Variants in KCNT1 observed in about 807,000 individuals in gnomAD.
KCNT1 encodes potassium channel subfamily T member 1.
Under a neutral mutation model 147.8 loss-of-function variants are expected in KCNT1, and 78 were observed. That is an observed-to-expected ratio of 0.53 (90% confidence interval 0.44 to 0.64). The LOEUF (loss-of-function observed/expected upper bound fraction) is 0.64, where lower values mean the gene tolerates loss of function less well. Among genes scored for constraint, KCNT1 ranks in the 30% least tolerant of loss-of-function variants. The pLI is 0.00. For missense variants in KCNT1, 1,419 were observed against 1,750.3 expected, an observed-to-expected ratio of 0.81 and a Z score of 3.38; for synonymous variants, 867 against 748.8, an observed-to-expected ratio of 1.16 and a Z score of -2.58.
chr9:135,747,997 A>G (rs1830935678), intron 2 of KCNT1, among the ~76,000 whole-genome samples: 1 of 152,136 alleles, frequency 6.6e-6, no homozygotes, highest in Non-Finnish European at 1.5e-5. Flanking sequence ...GCTAGGGTGC[A>G]GTGGCGTGTT....
Position 135,784,897 on chromosome 9 carries a change from G to C in KCNT1, c.3156+8G>C, listed in dbSNP as rs764262230. ...GTCTTCTCCACCTCGGAGGTTCTGG[G>C]GCAGCCTGGGGGCTGGGACTGTGGC... On this transcript the variant is annotated splice_region_variant and intron_variant, in intron 27 of 30. Coordinates refer to ENST00000371757, the MANE Select transcript of KCNT1 (RefSeq NM_020822.3). 1.2e-6 allele frequency: 2 copies of C among 1,611,400 alleles called. No homozygotes were observed. The highest frequency in any genetic ancestry group is 2.2e-5 in the East Asian group (1 of 44,858).
intron 1 of KCNT1, among the ~76,000 whole-genome samples, chr9:135,707,429 A>T (rs1835301024): frequency 6.6e-6 from 1 of 152,292 alleles, no homozygotes; most frequent in Admixed American, 6.5e-5. Context: ...CAGCCAGCTC[A>T]GCTCGAGGGT....
At chr9:135,732,022 A>AGAGAGAGAGG (rs1836492464) in intron 2 of KCNT1, among the ~76,000 whole-genome samples, 3 of 129,408 alleles carry the variant, frequency 2.3e-5, no homozygotes, top group African/African-American at 5.9e-5. Flanking sequence ...AGAGAGAGAG[A>AGAGAGAGAGG]GAGAGAGAGA....
At chr9:135,786,167 CCCCG>C (rs1400672372) in intron 28 of KCNT1, 26 bp from the exon 29 acceptor site, 1 of 1,532,266 alleles carries the variant, frequency 6.5e-7, no homozygotes, top group South Asian at 1.2e-5. Flanking sequence ...CCTCACCCCT[CCCCG>C]CCCTGCCCTG....
chr9:135,714,773 A>G lies in KCNT1; in HGVS notation c.254+53A>G. ...GGGGTCGCCGTCCCGGCGCCGCCGC[A>G]CGCCCGGAGCTGTCCGCGGTGCTGA... On this transcript the variant is annotated intron_variant, in intron 2 of 30. Coordinates refer to ENST00000371757, the MANE Select transcript of KCNT1 (RefSeq NM_020822.3). This position sits in a 1 kb window ranked among gnomAD's most constrained non-coding sequence, Gnocchi z 6.2. The G allele has an allele frequency of 1.7e-6, 2 of 1,167,068 alleles. No individual in the cohort carries two copies. The highest frequency in any genetic ancestry group is 2.1e-6 in the Non-Finnish European group (2 of 934,052). 72.3% of individuals were successfully genotyped at this position (1,167,068 alleles called of 1,614,324 possible). A position where few individuals can be genotyped will look rare whatever the true frequency, so the allele number is the denominator to read the frequency against.
At chr9:135,717,575 G>T (rs1278081355) in intron 2 of KCNT1, among the ~76,000 whole-genome samples, 1 of 152,148 alleles carries the variant, frequency 6.6e-6, no homozygotes, top group Non-Finnish European at 1.5e-5. Flanking sequence ...GGGCGCAGGG[G>T]CAAGTGAGTT....
intron 24 of KCNT1, among the ~76,000 whole-genome samples, chr9:135,782,691 C>T (rs1588395076): frequency 1.3e-5 from 2 of 152,314 alleles, no homozygotes; most frequent in South Asian, 2.1e-4. Context: ...CTGGCCCTGT[C>T]GTGGTTCTTG....
intron 2 of KCNT1, among the ~76,000 whole-genome samples, chr9:135,739,915 T>C (rs1830494446): frequency 6.6e-6 from 1 of 151,820 alleles, no homozygotes. Context: ...CTTTCAGGGG[T>C]GTTTGCTGGG....
At position 135,730,281 on chromosome 9, in the gene KCNT1, G is replaced by A. The variant is rs768389379; in HGVS notation, c.254+15561G>A. 1.3e-5 allele frequency among the ~76,000 whole-genome samples: 2 copies of A among 152,196 alleles called. No individual in the cohort carries two copies. The highest frequency in any genetic ancestry group is 6.5e-5 in the Admixed American group (1 of 15,286). ...ACCCATGGAGTTCCGTGGACCTGCCGTGTGTGGTGGGCCAAATAATGCTCC... is the reference window on the plus strand; with the variant it reads ...ACCCATGGAGTTCCGTGGACCTGCCATGTGTGGTGGGCCAAATAATGCTCC... On this transcript the variant is annotated intron_variant, in intron 2 of 30. Coordinates refer to ENST00000371757, the MANE Select transcript of KCNT1 (RefSeq NM_020822.3). This position sits in a 1 kb window ranked among gnomAD's most constrained non-coding sequence, Gnocchi z 4.7.
At position 135,792,043 on chromosome 9, in the gene KCNT1, ATC is replaced by A; in HGVS notation, c.3593_3594del (p.Leu1198HisfsTer61). On this transcript the variant is annotated frameshift_variant, in exon 31 of 31. Coordinates refer to ENST00000371757, the MANE Select transcript of KCNT1 (RefSeq NM_020822.3). LOFTEE classifies it high-confidence loss of function. ...GGGTCCTCTGTGCCCTCCCGCAGCT[ATC>A]TCATCCGCTCCGACCCCCTGGCTCA... The A allele has an allele frequency of 5.0e-6, 8 of 1,604,076 alleles. No homozygotes were observed. Among genetic ancestry groups the A allele is most frequent in the Non-Finnish European group, 6.8e-6 (8 of 1,179,590 alleles).
chr9:135,768,843 C>T lies in KCNT1; in HGVS notation c.1416C>T (p.Ile472=). The T allele has an allele frequency of 2.5e-6, 4 of 1,612,696 alleles. No homozygotes were observed. Among genetic ancestry groups the T allele is most frequent in the Non-Finnish European group, 3.4e-6 (4 of 1,179,696 alleles). The change falls in exon 15 of 31, where the codon ATC becomes ATT. Residue 472 remains isoleucine (I), a synonymous_variant. Transcript: ENST00000371757. ...CACCCCGCCAGGACCACCAGACCAT[C>T]CTGCGCGCCTGGGCCGTGAAGGACT... is the stretch of plus-strand genomic sequence containing the variant. ...VDRTAADHQT[I]LRAWAVKDFA... is the part of the protein sequence containing the mutation.
In KCNT1 at chr9:135,786,255, G is replaced by C; in HGVS notation, c.3236G>C (p.Trp1079Ser). 1 of 1,611,242 alleles carries C rather than the reference G, an allele frequency of 6.2e-7. No individual in the cohort carries two copies. ...GACACACGGGAAGTGAAGGGGCCCTGGGGCTCCCGCGCTGGCACCGGAGGC... is the reference window on the plus strand; with the variant it reads ...GACACACGGGAAGTGAAGGGGCCCTCGGGCTCCCGCGCTGGCACCGGAGGC... The part of the protein sequence containing the change: ...CEDTREVKGP[W>S]GSRAGTGGSS... The change falls in exon 29 of 31, where the codon TGG (tryptophan) becomes TCG (serine). Residue 1079 changes from tryptophan to serine, a missense_variant. Physicochemically the swap from Trp to Ser is radical, Grantham distance 177. Around this residue, in one of 5 missense-constraint regions of KCNT1, gnomAD observed 306 missense variants for 294.2 expected, o/e 1.04. Coordinates refer to ENST00000371757, the MANE Select transcript of KCNT1 (RefSeq NM_020822.3).
intron 16 of KCNT1, 60 bp downstream of exon 16, chr9:135,770,115 C>A: frequency 6.8e-7 from 1 of 1,465,456 alleles, no homozygotes; most frequent in Non-Finnish European, 9.3e-7. Context: ...AGGGAGACAA[C>A]GCAGGGCCTG....
intron 2 of KCNT1, among the ~76,000 whole-genome samples, chr9:135,717,341 G>T (rs1170464313): frequency 3.3e-5 from 5 of 152,146 alleles, no homozygotes; most frequent in African/African-American, 1.2e-4. Flanking sequence ...GACAGGGAGG[G>T]GACTTAGCTT....
chr9:135,783,209 C>T (rs998443), intron 24 of KCNT1, among the ~76,000 whole-genome samples: 17,175 of 152,262 alleles, frequency 0.11, 1,317 homozygotes, highest in South Asian at 0.17. Flanking sequence ...AGTCACGGGC[C>T]TCGAGATGGG....
In KCNT1 at chr9:135,714,446, G is replaced by GCCGC; in HGVS notation, c.111-119_111-116dup. The GCCGC allele has an allele frequency of 2.1e-6, 1 of 480,988 alleles. No individual in the cohort carries two copies. The highest frequency in any genetic ancestry group is 2.7e-6 in the Non-Finnish European group (1 of 373,366). 29.8% of individuals were successfully genotyped at this position (480,988 alleles called of 1,614,324 possible). ...GTGCCGCCAGGCCCGCCCCCGCCCGGCCGCCCGCCCGCCCGGTGGGTCGCG... is the reference window on the plus strand; with the variant it reads ...GTGCCGCCAGGCCCGCCCCCGCCCGGCCGCCCGCCCGCCCGCCCGGTGGGTCGCG... On this transcript the variant is annotated intron_variant, in intron 1 of 30. Transcript: ENST00000371757. This position sits in a 1 kb window ranked among gnomAD's most constrained non-coding sequence, Gnocchi z 6.2.
chr9:135,736,518 G>C (rs1830343177), intron 2 of KCNT1: 1 of 151,692 alleles, frequency 6.6e-6, no homozygotes, highest in Admixed American at 6.6e-5. Flanking sequence ...CCGGCACCCG[G>C]CCGTTCCACT....
At chr9:135,740,392 TG>T (rs1481744196) in intron 2 of KCNT1, among the ~76,000 whole-genome samples, 1 of 152,128 alleles carries the variant, frequency 6.6e-6, no homozygotes, top group African/African-American at 2.4e-5. Flanking sequence ...TTATGGGACT[TG>T]GGGTTGTGGG....
rs375391930 is a variant in KCNT1 at position 135,759,876 on chromosome 9, C to T, written c.1035+17C>T. On this transcript the variant is annotated intron_variant, in intron 11 of 30. Coordinates refer to ENST00000371757, the MANE Select transcript of KCNT1 (RefSeq NM_020822.3). ...CCACTGCAGGTGGGTCCTCTGGGCA[C>T]CAGCCCTGGGTGGCACCAGCAAAGG... is the stretch of plus-strand genomic sequence containing the variant. 1.3e-5 allele frequency: 21 copies of T among 1,586,106 alleles called. No homozygotes were observed. Among genetic ancestry groups the T allele is most frequent in the African/African-American group, 1.1e-4 (8 of 74,406 alleles).
Sources: allele counts gnomAD v4.1 joint callset (sites outside exome capture counted in the v4.1 genomes callset), GRCh38; gene constraint gnomAD v4.1.1; regional missense constraint gnomAD v4.1.1; non-coding constraint Gnocchi (gnomAD v3.1); transcripts MANE v1.5; gene names NCBI Gene and HGNC (gene_info 2026-07-23, HGNC 2026-07-21).